BCAT1: variants seen among roughly 807,000 people sequenced by gnomAD.
BCAT1 encodes the protein branched-chain-amino-acid aminotransferase, cytosolic.
Under a neutral mutation model 52.4 loss-of-function variants are expected in BCAT1, and 48 were observed. The observed-to-expected ratio is 0.92, with a 90% CI of 0.73 to 1.16. The LOEUF (loss-of-function observed/expected upper bound fraction) is 1.16, where lower values mean the gene tolerates loss of function less well. BCAT1 is among the 50% of genes most tolerant of loss of function. The pLI, the probability that BCAT1 is intolerant of heterozygous loss-of-function variation, is 0.00. For synonymous variants in BCAT1, 167 were observed against 161.3 expected (o/e 1.04, Z -0.27); for missense variants, 451 against 457.1 (o/e 0.99, Z 0.12).
intron 10 of BCAT1, 23 bp from the exon 11 acceptor site, chr12:24,818,072 T>G: frequency 6.2e-7 from 1 of 1,611,796 alleles, no homozygotes; most frequent in Non-Finnish European, 8.5e-7. Flanking sequence ...CAAGAAAACG[T>G]GTTTCAGTAC....
intron 3 of BCAT1, among the ~76,000 whole-genome samples, chr12:24,883,023 A>G (rs983633428): frequency 2.6e-5 from 4 of 152,012 alleles, no homozygotes; most frequent in Admixed American, 6.5e-5. Context: ...GTGATGGCTC[A>G]CGTCTGTAAT....
chr12:24,918,907 C>G (rs914969636), intron 1 of BCAT1, among the ~76,000 whole-genome samples: 5 of 152,144 alleles, frequency 3.3e-5, no homozygotes, highest in Non-Finnish European at 7.4e-5. Flanking sequence ...GATTATTACC[C>G]TGCTTGTTTA....
chr12:24,818,294 G>A (rs954426124), intron 10 of BCAT1, among the ~76,000 whole-genome samples: 1 of 152,080 alleles, frequency 6.6e-6, no homozygotes, highest in Non-Finnish European at 1.5e-5. Flanking sequence ...TACCTGAAAA[G>A]AATTACAAAT....
intron 5 of BCAT1, among the ~76,000 whole-genome samples, chr12:24,867,326 C>A (rs2139545133): frequency 6.9e-6 from 1 of 145,892 alleles, no homozygotes; most frequent in East Asian, 2.1e-4. Context: ...GTTTTACAGA[C>A]TCGAAAATAT....
chr12:24,867,506 G>A (rs1942058927), intron 5 of BCAT1, among the ~76,000 whole-genome samples: 1 of 152,154 alleles, frequency 6.6e-6, no homozygotes, highest in South Asian at 2.1e-4. Flanking sequence ...CACATGTTGA[G>A]TGTGCCATGT....
At chr12:24,829,612 T>A (rs955086450) in intron 10 of BCAT1, among the ~76,000 whole-genome samples, 4 of 152,194 alleles carry the variant, frequency 2.6e-5, no homozygotes, top group African/African-American at 9.7e-5. Flanking sequence ...TTTCTTTTTT[T>A]AAAACATACA....
At chr12:24,898,829 T>G (rs1009404871) in intron 2 of BCAT1, among the ~76,000 whole-genome samples, 5 of 152,164 alleles carry the variant, frequency 3.3e-5, no homozygotes, top group Non-Finnish European at 7.4e-5. Context: ...CAACACCTTT[T>G]GCTCACCATC....
At chr12:24,941,670 G>C (rs1269128953) in intron 1 of BCAT1, among the ~76,000 whole-genome samples, 1 of 152,172 alleles carries the variant, frequency 6.6e-6, no homozygotes, top group African/African-American at 2.4e-5. Flanking sequence ...TTTGGGGCAA[G>C]GTTCATGCTA....
chr12:24,943,710 A>T (rs11047720), intron 1 of BCAT1, among the ~76,000 whole-genome samples: 117 of 152,042 alleles, frequency 7.7e-4, no homozygotes, highest in Admixed American at 2.6e-3. Context: ...TGAGGCCGGG[A>T]GCGGTGGCTC....
At chr12:24,914,377 C>T (rs1263972816) in intron 1 of BCAT1, among the ~76,000 whole-genome samples, 2 of 152,106 alleles carry the variant, frequency 1.3e-5, no homozygotes, top group African/African-American at 4.8e-5. Flanking sequence ...ACTACTGTGC[C>T]CAGCGGGTGG....
intron 2 of BCAT1, among the ~76,000 whole-genome samples, chr12:24,899,642 C>T (rs1489167157): frequency 2.6e-5 from 4 of 151,930 alleles, no homozygotes; most frequent in African/African-American, 4.8e-5. Flanking sequence ...AAGTGTCCAT[C>T]AATGAACAAA....
At chr12:24,899,777 G>GA (rs72262709) in intron 2 of BCAT1, among the ~76,000 whole-genome samples, 4,870 of 133,866 alleles carry the variant, frequency 0.036, 100 homozygotes, top group East Asian at 0.067. Flanking sequence ...GCCAAACACA[G>GA]AAAAAAAAAA....
chr12:24,879,217 G>A (rs1299272231), intron 4 of BCAT1, among the ~76,000 whole-genome samples: 2 of 152,098 alleles, frequency 1.3e-5, no homozygotes, highest in Admixed American at 6.6e-5. Context: ...AAAGACTTCC[G>A]TTCTTCAAAA....
At chr12:24,822,991 C>T (rs1025213582) in intron 10 of BCAT1, among the ~76,000 whole-genome samples, 1 of 150,708 alleles carries the variant, frequency 6.6e-6, no homozygotes, top group East Asian at 1.9e-4. Flanking sequence ...TACTTTTAAA[C>T]TTTTTTACAT....
chr12:24,911,888 TA>T, intron 1 of BCAT1, among the ~76,000 whole-genome samples: 1 of 152,332 alleles, frequency 6.6e-6, no homozygotes, highest in South Asian at 2.1e-4. Context: ...GGAAAACAAT[TA>T]AGCTTATAAT....
chr12:24,908,958 A>G (rs185654582), intron 1 of BCAT1, among the ~76,000 whole-genome samples: 1 of 152,330 alleles, frequency 6.6e-6, no homozygotes, highest in African/African-American at 2.4e-5. Context: ...GACACTCAAC[A>G]TGAAGATATC....
At chr12:24,905,707 G>GAA (rs1943214696) in intron 1 of BCAT1, among the ~76,000 whole-genome samples, 1 of 152,120 alleles carries the variant, frequency 6.6e-6, no homozygotes, top group Non-Finnish European at 1.5e-5. Flanking sequence ...GTTACACTAA[G>GAA]AAGCTGTAGC....
At chr12:24,916,391 G>A (rs1006893965) in intron 1 of BCAT1, among the ~76,000 whole-genome samples, 5 of 152,120 alleles carry the variant, frequency 3.3e-5, no homozygotes, top group African/African-American at 7.2e-5. Context: ...TCTACTGGCT[G>A]TATAAAGTCA....
At chr12:24,856,343 T>C (rs1192202966) in intron 5 of BCAT1, among the ~76,000 whole-genome samples, 13 of 152,200 alleles carry the variant, frequency 8.5e-5, no homozygotes. Flanking sequence ...CACTACTTCC[T>C]CTGCCTGGAA....
Sources: gnomAD v4.1 joint callset for allele counts (sites outside exome capture counted in the v4.1 genomes callset) on GRCh38, gnomAD v4.1.1 for gene constraint, MANE v1.5 for transcripts, NCBI Gene and HGNC (gene_info 2026-07-23, HGNC 2026-07-21) for gene names.